TCF25: variants seen among roughly 807,000 people sequenced by gnomAD.
TCF25 encodes ribosome quality control complex subunit TCF25.
A neutral mutation model predicts 83.1 loss-of-function variants in TCF25; 41 were observed. The ratio of observed to expected loss-of-function variants is 0.49; its 90% CI spans 0.38 to 0.64. The LOEUF (loss-of-function observed/expected upper bound fraction) is 0.64. Ranked by LOEUF, TCF25 falls within the 30% of genes least tolerant of loss-of-function variation. TCF25 has a pLI of 0.00. For missense variants in TCF25, 979 were observed against 914.5 expected (o/e 1.07, Z -0.91); for synonymous variants, 458 against 365.0 (o/e 1.25, Z -2.90).
chr16:89,884,454 A>C, intron 2 of TCF25, 128 bp from the exon 3 acceptor site: 1 of 879,994 alleles, frequency 1.1e-6, no homozygotes, highest in Non-Finnish European at 1.8e-6. Flanking sequence ...GAGTTGAAGG[A>C]ACTTTTGGGA....
chr16:89,886,135 A>G (rs1198074481), intron 4 of TCF25, 169 bp downstream of exon 4: 2 of 652,004 alleles, frequency 3.1e-6, no homozygotes, highest in Non-Finnish European at 5.6e-6. Flanking sequence ...TAAAAATCAT[A>G]TGAGTTTATT....
chr16:89,881,080 G>A (rs2042572995), intron 1 of TCF25, among the ~76,000 whole-genome samples: 1 of 152,208 alleles, frequency 6.6e-6, no homozygotes, highest in African/African-American at 2.4e-5. Flanking sequence ...ACGGGCGTAA[G>A]TTGCTCCTGA....
chr16:89,894,089 T>C (rs2043635563), intron 7 of TCF25, among the ~76,000 whole-genome samples: 2 of 152,108 alleles, frequency 1.3e-5, no homozygotes, highest in Non-Finnish European at 2.9e-5. Flanking sequence ...GGAGCGCTGC[T>C]CTCTCAGCCG....
chr16:89,882,038 C>T (rs2042649666), intron 1 of TCF25, among the ~76,000 whole-genome samples: 1 of 152,174 alleles, frequency 6.6e-6, no homozygotes, highest in African/African-American at 2.4e-5. Flanking sequence ...CAGGGGTGCA[C>T]CGCCACCGTG....
rs759152190 is a variant in TCF25 at position 89,900,814 on chromosome 16, C to T, written c.1381+20C>T. ...CTGGAGGTGAGTGAGCGCTGTGTCT[C>T]GCCTGGGGTAGGGGTGTGTCCTGTC... On this transcript the variant is annotated intron_variant, in intron 12 of 17. Coordinates refer to ENST00000263346, the MANE Select transcript of TCF25 (RefSeq NM_014972.3). The T allele has an allele frequency of 2.4e-5, 37 of 1,554,006 alleles. No homozygotes were observed. Among genetic ancestry groups the T allele is most frequent in the Middle Eastern group, 1.8e-4 (1 of 5,694 alleles).
At chr16:89,900,433 C>G (rs187598231) in intron 11 of TCF25, among the ~76,000 whole-genome samples, 116 of 152,292 alleles carry the variant, frequency 7.6e-4, no homozygotes, top group African/African-American at 2.7e-3. Flanking sequence ...CTCCCACGTC[C>G]TCTGTATCTT....
rs2043597844 is a variant in TCF25 at position 89,893,641 on chromosome 16, C to G, written c.698-87C>G. 4 of 1,600,814 alleles carry G rather than the reference C, an allele frequency of 2.5e-6. No individual in the cohort carries two copies. The East Asian group carries it at 6.7e-5, about 27-fold the overall frequency. Reference sequence around the variant, plus strand: ...TTGTCGATATCGCAGAGGCCTCATCCAGAACACCACGAAGGTGAGGGCTGT... The same window carrying G: ...TTGTCGATATCGCAGAGGCCTCATCGAGAACACCACGAAGGTGAGGGCTGT... On this transcript the variant is annotated intron_variant, in intron 6 of 17. Coordinates refer to ENST00000263346, the MANE Select transcript of TCF25 (RefSeq NM_014972.3).
intron 14 of TCF25, 130 bp from the exon 15 acceptor site, chr16:89,906,064 A>C: frequency 1.0e-5 from 8 of 784,440 alleles, no homozygotes; most frequent in Non-Finnish European, 1.0e-5. Context: ...TAAAGTGTAC[A>C]GTTTTTGCAG....
At chr16:89,875,858 CAG>C (rs1278653585) in intron 1 of TCF25, among the ~76,000 whole-genome samples, 4 of 105,092 alleles carry the variant, frequency 3.8e-5, no homozygotes, top group Admixed American at 1.3e-4. Context: ...TGGTTACAGA[CAG>C]GGTCTCACGG....
Position 89,898,548 on chromosome 16 carries a change from T to C in TCF25, c.1023-9T>C, listed in dbSNP as rs2044064903. On this transcript the variant is annotated splice_polypyrimidine_tract_variant and intron_variant, in intron 9 of 17. Coordinates refer to ENST00000263346, the MANE Select transcript of TCF25 (RefSeq NM_014972.3). ...CGTTGTAATTCATGTGGAACTATTT[T>C]GGATCTAGGAGCTTCTACCTGGCCC... 6.3e-7 allele frequency: 1 copy of C among 1,595,360 alleles called. No individual in the cohort carries two copies. The highest frequency in any genetic ancestry group is 1.7e-5 in the Admixed American group (1 of 59,174).
chr16:89,876,452 C>T (rs927867529), intron 1 of TCF25, among the ~76,000 whole-genome samples: 1 of 152,122 alleles, frequency 6.6e-6, no homozygotes, highest in African/African-American at 2.4e-5. Context: ...TATTTAGAGA[C>T]AAGATCTCTT....
chr16:89,878,778 C>T (rs1320838109), intron 1 of TCF25, among the ~76,000 whole-genome samples: 2 of 152,134 alleles, frequency 1.3e-5, no homozygotes, highest in Non-Finnish European at 1.5e-5. Context: ...GTAGCTGGGA[C>T]TACAGGCGCC....
In TCF25 at chr16:89,898,789, C is replaced by G. The variant is rs113217635; in HGVS notation, c.1138C>G (p.Leu380Val). Residue 380 changes from leucine to valine, a missense_variant, in exon 11 of 18, where the codon CTC becomes GTC. Physicochemically the swap from Leu to Val is conservative, Grantham distance 32 (BLOSUM62 1). Transcript: ENST00000263346. ...ILSLEPDEDP[L>V]CMLLLIDHLA... is the part of the protein sequence containing the mutation. Reference sequence around the variant, plus strand: ...AAGTCTCGAGCCGGATGAGGACCCCCTCTGCATGCTGCTGCTCATCGACCA... The same window carrying G: ...AAGTCTCGAGCCGGATGAGGACCCCGTCTGCATGCTGCTGCTCATCGACCA... The G allele has an allele frequency of 3.1e-6, 5 of 1,613,856 alleles. No individual in the cohort carries two copies. In the African/African-American group the frequency reaches 5.3e-5, roughly 17 times the overall value.
intron 15 of TCF25, 104 bp downstream of exon 15, chr16:89,906,388 T>G (rs2144275786): frequency 8.7e-7 from 1 of 1,149,046 alleles, no homozygotes; most frequent in Non-Finnish European, 1.3e-6. Flanking sequence ...GCGGGCTCCC[T>G]CAGCAGCCCA....
chr16:89,900,583 AT>A lies in TCF25; in HGVS notation c.1222-48del. ...TGTCAGAGCGTCTGCAAACTCACAT[AT>A]TTTGTCTTTATGACTTAAGGCTCCA... is the stretch of plus-strand genomic sequence containing the variant. On this transcript the variant is annotated intron_variant, in intron 11 of 17. Transcript: ENST00000263346. 2.0e-6 allele frequency: 3 copies of A among 1,515,548 alleles called. No homozygotes were observed. In the South Asian group the frequency reaches 3.8e-5, roughly 19 times the overall value. 93.9% of individuals were successfully genotyped at this position (1,515,548 alleles called of 1,614,324 possible). A position where few individuals can be genotyped will look rare whatever the true frequency, so the allele number is the denominator to read the frequency against.
chr16:89,898,117 A>G (rs967571660), intron 9 of TCF25, among the ~76,000 whole-genome samples: 1 of 152,214 alleles, frequency 6.6e-6, no homozygotes, highest in African/African-American at 2.4e-5. Flanking sequence ...TCAAAAAAAA[A>G]AAAAAGATTT....
chr16:89,885,819 T>C lies in TCF25; in HGVS notation c.430-29T>C, dbSNP rs1054297239. ...AATATTTAAAATAATGTCAGTGTGG[T>C]GATTAAGAGGTTGTTTTGGGGCTTT... On this transcript the variant is annotated intron_variant, in intron 3 of 17. Coordinates refer to ENST00000263346, the MANE Select transcript of TCF25 (RefSeq NM_014972.3). 4 of 1,512,734 alleles carry C rather than the reference T, an allele frequency of 2.6e-6. No homozygotes were observed. In the South Asian group the frequency reaches 4.5e-5, roughly 17 times the overall value. 93.7% of individuals were successfully genotyped at this position (1,512,734 alleles called of 1,614,324 possible). A position where few individuals can be genotyped will look rare whatever the true frequency, so the allele number is the denominator to read the frequency against.
At chr16:89,910,429 C>G in intron 16 of TCF25, 162 bp from the exon 17 acceptor site, 1 of 682,448 alleles carries the variant, frequency 1.5e-6, no homozygotes, top group South Asian at 1.8e-5. Flanking sequence ...CACGGGCCAC[C>G]CGGGGAATCC....
At chr16:89,900,329 A>G (rs1264304354) in intron 11 of TCF25, among the ~76,000 whole-genome samples, 2 of 140,516 alleles carry the variant, frequency 1.4e-5, no homozygotes, top group Non-Finnish European at 1.6e-5. Context: ...CATTGAGAGC[A>G]CCAACTGCTC....
Sources: gnomAD v4.1 joint callset for allele counts (sites outside exome capture counted in the v4.1 genomes callset) on GRCh38, gnomAD v4.1.1 for gene constraint, MANE v1.5 for transcripts, NCBI Gene and HGNC (gene_info 2026-07-23, HGNC 2026-07-21) for gene names.